ENDOD1: variants seen among roughly 807,000 people sequenced by gnomAD.
ENDOD1 encodes the protein endonuclease domain containing 1, also known as endonuclease domain-containing 1 protein.
ENDOD1 carries 9 observed loss-of-function variants against 6.5 expected under a neutral mutation model. The ratio of observed to expected loss-of-function variants is 1.39; its 90% confidence interval spans 0.84 to 2.43. The LOEUF is 2.43. Ranked by LOEUF, ENDOD1 falls within the 30% of genes most tolerant of loss-of-function variation. The probability of loss-of-function intolerance (pLI) is 0.00; values close to 1 mark genes in which losing one functional copy is unlikely to be tolerated. For synonymous variants in ENDOD1, 255 were observed against 255.2 expected, an observed-to-expected ratio of 1.00 and a Z score of 0.01; for missense variants, 648 against 635.5, an observed-to-expected ratio of 1.02 and a Z score of -0.21.
chr11:95,092,391 A>C (rs2134159721), intron 1 of ENDOD1, among the ~76,000 whole-genome samples: 1 of 152,260 alleles, frequency 6.6e-6, no homozygotes, highest in East Asian at 1.9e-4. Context: ...AAAGGAGCAT[A>C]GTTTGACAGA....
At chr11:95,117,272 G>A (rs1859220037) in intron 1 of ENDOD1, among the ~76,000 whole-genome samples, 3 of 152,204 alleles carry the variant, frequency 2.0e-5, no homozygotes, top group Admixed American at 6.5e-5. Flanking sequence ...AGCCAGGTGT[G>A]GTGGCATGTG....
In ENDOD1 at chr11:95,129,119, A is replaced by T; in HGVS notation, c.1043A>T (p.Tyr348Phe). The T allele has an allele frequency of 6.2e-7, 1 of 1,614,110 alleles. No homozygotes were observed. The highest frequency in any genetic ancestry group is 8.5e-7 in the Non-Finnish European group (1 of 1,180,008). ...ATCAAGCTTTTTCAATTAATTTATT[A>T]CCTTGTGGTAGCAATCCTGAAGAAC... Reference protein sequence around the residue: ...PFIKLFQLIYYLVVAILKNIV... With the variant: ...PFIKLFQLIYFLVVAILKNIV... Residue 348 changes from tyrosine (Y) to phenylalanine (F), a missense_variant, in exon 2 of 2, where the codon TAC becomes TTC. By Grantham distance (22) the Tyr-to-Phe change is conservative. Transcript: ENST00000278505.
intron 1 of ENDOD1, among the ~76,000 whole-genome samples, chr11:95,127,099 T>C (rs1402935928): frequency 1.3e-5 from 2 of 152,216 alleles, no homozygotes; most frequent in African/African-American, 4.8e-5. Flanking sequence ...TTATAAATAC[T>C]GCCGCCCCAG....
chr11:95,129,621 G>A lies in ENDOD1; in HGVS notation c.*42G>A, dbSNP rs778274601. 6.4e-7 allele frequency: 1 copy of A among 1,563,826 alleles called. No individual in the cohort carries two copies. Among genetic ancestry groups the A allele is most frequent in the East Asian group, 2.3e-5 (1 of 44,396 alleles). ...GTATCCAGTCACAGTGAATTTGAAAGCTGGAATAGTTTGTCTTTACAATGG... is the reference window on the plus strand; with the variant it reads ...GTATCCAGTCACAGTGAATTTGAAAACTGGAATAGTTTGTCTTTACAATGG... On this transcript the variant is annotated 3_prime_UTR_variant, in exon 2 of 2. Coordinates refer to ENST00000278505, the MANE Select transcript of ENDOD1 (RefSeq NM_015036.3).
chr11:95,116,164 A>T (rs1211939124), intron 1 of ENDOD1, among the ~76,000 whole-genome samples: 1 of 152,036 alleles, frequency 6.6e-6, no homozygotes, highest in Non-Finnish European at 1.5e-5. Flanking sequence ...CTTCGATCTC[A>T]TTACTTGTTA....
chr11:95,128,619 A>C lies in ENDOD1; in HGVS notation c.543A>C (p.Leu181=). Residue 181 remains leucine, a synonymous_variant, in exon 2 of 2, where the codon CTA becomes CTC. Coordinates refer to ENST00000278505, the MANE Select transcript of ENDOD1 (RefSeq NM_015036.3). ...QERWYVNLHS[L]MDRALTPQCG... ...GGTGGTATGTGAATCTCCACAGCCTAATGGACCGGGCTTTGACCCCACAGT... is the reference window on the plus strand; with the variant it reads ...GGTGGTATGTGAATCTCCACAGCCTCATGGACCGGGCTTTGACCCCACAGT... 1 of 1,614,194 alleles carries C rather than the reference A, an allele frequency of 6.2e-7. No individual in the cohort carries two copies. Among genetic ancestry groups the C allele is most frequent in the Non-Finnish European group, 8.5e-7 (1 of 1,180,050 alleles).
At position 95,121,643 on chromosome 11, in the gene ENDOD1, A is replaced by C. The variant is rs75350493; in HGVS notation, c.301-6734A>C. Among the ~76,000 whole-genome samples the C allele has an allele frequency of 4.5e-3, 678 of 152,352 alleles. 23 individuals carry two copies. Among genetic ancestry groups the C allele is most frequent in the Admixed American group, 0.039 (593 of 15,304 alleles). On this transcript the variant is annotated intron_variant, in intron 1 of 1. Transcript: ENST00000278505. The stretch of plus-strand genomic sequence containing the variant: ...TCATTTAATTCTGAAACAAACAAAA[A>C]AACTACCTATGGATTTAAATAGGTT...
At chr11:95,101,690 A>G (rs1308842852) in intron 1 of ENDOD1, among the ~76,000 whole-genome samples, 1 of 152,160 alleles carries the variant, frequency 6.6e-6, no homozygotes, top group African/African-American at 2.4e-5. Flanking sequence ...CACACGGACT[A>G]TTTCATAACT....
chr11:95,105,138 A>C (rs1290559862), intron 1 of ENDOD1, among the ~76,000 whole-genome samples: 1 of 152,232 alleles, frequency 6.6e-6, no homozygotes, highest in Non-Finnish European at 1.5e-5. Flanking sequence ...CGTATCAGTC[A>C]GGGGCCTGGC....
chr11:95,120,740 C>G (rs1183882637), intron 1 of ENDOD1, among the ~76,000 whole-genome samples: 1 of 152,114 alleles, frequency 6.6e-6, no homozygotes, highest in African/African-American at 2.4e-5. Flanking sequence ...TAGGACTCAC[C>G]TAGGAGTTGC....
rs115553818 is a variant in ENDOD1, at chr11:95,094,367, A to G, written c.300+4140A>G. 7.2e-3 allele frequency among the ~76,000 whole-genome samples: 1,090 copies of G among 152,170 alleles called. 11 individuals carry two copies. The highest frequency in any genetic ancestry group is 0.025 in the African/African-American group (1,042 of 41,494). ...TGGAGATTCTTTGATCTCACAATGGATCCACTGCGCTAATGGTCTTAGGAC... is the reference window on the plus strand; with the variant it reads ...TGGAGATTCTTTGATCTCACAATGGGTCCACTGCGCTAATGGTCTTAGGAC... On this transcript the variant is annotated intron_variant, in intron 1 of 1. Transcript: ENST00000278505.
chr11:95,128,433 C>T lies in ENDOD1; in HGVS notation c.357C>T (p.Thr119=). ...EEAINEAEAI[T]SVNSLGSKQA... is the part of the protein sequence containing the mutation. Reference sequence around the variant, plus strand: ...CGATTAATGAGGCAGAGGCCATCACCTCTGTGAACAGCCTGGGAAGCAAGC... The same window carrying T: ...CGATTAATGAGGCAGAGGCCATCACTTCTGTGAACAGCCTGGGAAGCAAGC... Residue 119 remains threonine (T), a synonymous_variant, in exon 2 of 2, where the codon ACC becomes ACT. Transcript: ENST00000278505. 1 of 1,614,174 alleles carries T rather than the reference C, an allele frequency of 6.2e-7. No individual in the cohort carries two copies. Among genetic ancestry groups the T allele is most frequent in the Non-Finnish European group, 8.5e-7 (1 of 1,180,022 alleles).
chr11:95,131,521 A>G lies in ENDOD1; in HGVS notation c.*1942A>G, dbSNP rs1315878326. On this transcript the variant is annotated 3_prime_UTR_variant, in exon 2 of 2. Coordinates refer to ENST00000278505, the MANE Select transcript of ENDOD1 (RefSeq NM_015036.3). ...AGCCAACGTTGTTTGCACATGTCCCATCACACCTGAGATGTCAGACATGGG... is the reference window on the plus strand; with the variant it reads ...AGCCAACGTTGTTTGCACATGTCCCGTCACACCTGAGATGTCAGACATGGG... 6.6e-6 allele frequency: 1 copy of G among 152,260 alleles called. No individual in the cohort carries two copies. The highest frequency in any genetic ancestry group is 2.4e-5 in the African/African-American group (1 of 41,468). 9.4% of individuals were successfully genotyped at this position (152,260 alleles called of 1,614,324 possible).
intron 1 of ENDOD1, among the ~76,000 whole-genome samples, chr11:95,107,661 A>G (rs1373139612): frequency 6.8e-6 from 1 of 147,726 alleles, no homozygotes; most frequent in Non-Finnish European, 1.5e-5. Flanking sequence ...GAGTCCGCAC[A>G]CTTTTTTTTG....
rs1307799777 is a variant in ENDOD1 at position 95,131,082 on chromosome 11, G to C, written c.*1503G>C. 1 of 152,244 alleles carries C rather than the reference G, an allele frequency of 6.6e-6. No homozygotes were observed. Among genetic ancestry groups the C allele is most frequent in the Non-Finnish European group, 1.5e-5 (1 of 68,058 alleles). 9.4% of individuals were successfully genotyped at this position (152,244 alleles called of 1,614,324 possible). Reference sequence around the variant, plus strand: ...TGGATGAGAAACATGAGCGTAGCAAGAGTTACATTTTGCAGAAAAATAGCG... The same window carrying C: ...TGGATGAGAAACATGAGCGTAGCAACAGTTACATTTTGCAGAAAAATAGCG... On this transcript the variant is annotated 3_prime_UTR_variant, in exon 2 of 2. Coordinates refer to ENST00000278505, the MANE Select transcript of ENDOD1 (RefSeq NM_015036.3).
chr11:95,109,143 G>A (rs2134167443), intron 1 of ENDOD1, among the ~76,000 whole-genome samples: 1 of 152,302 alleles, frequency 6.6e-6, no homozygotes, highest in Middle Eastern at 3.4e-3. Flanking sequence ...TAGCGTCTTT[G>A]TCCCCACGGA....
At position 95,124,939 on chromosome 11, in the gene ENDOD1, G is replaced by T. The variant is rs1379986694; in HGVS notation, c.301-3438G>T. 1.3e-5 allele frequency among the ~76,000 whole-genome samples: 2 copies of T among 152,084 alleles called. 1 individual carries two copies. ...GTTTCTGCTTAACAACAGGACACTT[G>T]GTCTCTTACACATGCCATGCACGTT... On this transcript the variant is annotated intron_variant, in intron 1 of 1. Transcript: ENST00000278505.
intron 1 of ENDOD1, among the ~76,000 whole-genome samples, chr11:95,100,488 T>A (rs1382257416): frequency 6.6e-6 from 1 of 152,048 alleles, no homozygotes; most frequent in African/African-American, 2.4e-5. Context: ...CTTTCTGGTT[T>A]TTATTATTAT....
rs1295488807 is a variant in ENDOD1 at position 95,128,549 on chromosome 11, T to A, written c.473T>A (p.Phe158Tyr). 2 of 1,614,218 alleles carry A rather than the reference T, an allele frequency of 1.2e-6. No individual in the cohort carries two copies. Among genetic ancestry groups the A allele is most frequent in the East Asian group, 4.5e-5 (2 of 44,888 alleles). Residue 158 changes from phenylalanine (F) to tyrosine (Y), a missense_variant, in exon 2 of 2, where the codon TTT (phenylalanine) becomes TAT (tyrosine). By Grantham distance (22) the Phe-to-Tyr change is conservative. Transcript: ENST00000278505. ...SLSSDVQVAT[F>Y]TLTNSAPMTQ... ...AGCAGTGATGTCCAGGTGGCCACATTTACTCTCACAAATTCAGCCCCAATG... is the reference window on the plus strand; with the variant it reads ...AGCAGTGATGTCCAGGTGGCCACATATACTCTCACAAATTCAGCCCCAATG...
Sources: gnomAD v4.1 joint callset for allele counts (sites outside exome capture counted in the v4.1 genomes callset) on GRCh38, gnomAD v4.1.1 for gene constraint, MANE v1.5 for transcripts, NCBI Gene and HGNC (gene_info 2026-07-23, HGNC 2026-07-21) for gene names.